GALNT16: variants seen among roughly 807,000 people sequenced by gnomAD.
GALNT16 encodes the protein UDP-GalNAc:polypeptide N-acetylgalactosaminyltransferase-like protein 1.
In GALNT16, 40 loss-of-function variants were observed where a neutral mutation model predicts 76.1. The ratio of observed to expected loss-of-function variants is 0.53; its 90% CI spans 0.41 to 0.68. The LOEUF (loss-of-function observed/expected upper bound fraction) is 0.68. Ranked by LOEUF, GALNT16 falls within the 30% of genes least tolerant of loss-of-function variation. The pLI is 0.00. For missense variants in GALNT16, 621 were observed against 731.9 expected, an observed-to-expected ratio of 0.85 and a Z score of 1.75; for synonymous variants, 276 against 285.2, an observed-to-expected ratio of 0.97 and a Z score of 0.32.
Position 69,319,726 on chromosome 14 carries a change from C to T in GALNT16, c.178-985C>T, listed in dbSNP as rs532909323. 2.0e-5 allele frequency among the ~76,000 whole-genome samples: 3 copies of T among 152,348 alleles called. No individual in the cohort carries two copies. In the South Asian group the frequency reaches 6.2e-4, roughly 32 times the overall value. Reference sequence around the variant, plus strand: ...CATGAAGGAACGGGATGGGCAATGGCATCTGCCATCCATCACTGCCCAGCA... The same window carrying T: ...CATGAAGGAACGGGATGGGCAATGGTATCTGCCATCCATCACTGCCCAGCA... On this transcript the variant is annotated intron_variant, in intron 1 of 14. Transcript: ENST00000448469.
chr14:69,352,989 C>G lies in GALNT16; in HGVS notation c.*821C>G, dbSNP rs962376041. Reference sequence around the variant, plus strand: ...TCGGGCGTAGTTTATTAAACAGACTCCACTTCTATTTGGCCATGTGTCAGG... The same window carrying G: ...TCGGGCGTAGTTTATTAAACAGACTGCACTTCTATTTGGCCATGTGTCAGG... On this transcript the variant is annotated 3_prime_UTR_variant, in exon 15 of 15. Coordinates refer to ENST00000448469, the MANE Select transcript of GALNT16 (RefSeq NM_001168368.2). Among the ~76,000 whole-genome samples the G allele has an allele frequency of 6.6e-6, 1 of 152,062 alleles. No homozygotes were observed. Among genetic ancestry groups the G allele is most frequent in the African/African-American group, 2.4e-5 (1 of 41,396 alleles).
chr14:69,339,071 A>G (rs905189555), intron 10 of GALNT16, among the ~76,000 whole-genome samples: 1 of 152,102 alleles, frequency 6.6e-6, no homozygotes, highest in Admixed American at 6.5e-5. Context: ...TGGAGCCCCG[A>G]GTGCTGGTCA....
At chr14:69,318,610 A>G (rs1400910335) in intron 1 of GALNT16, among the ~76,000 whole-genome samples, 1 of 152,142 alleles carries the variant, frequency 6.6e-6, no homozygotes, top group Non-Finnish European at 1.5e-5. Context: ...CTGGGCAATG[A>G]ATGAGTGTGG....
chr14:69,336,419 C>G (rs2140184845), intron 9 of GALNT16, among the ~76,000 whole-genome samples: 1 of 152,304 alleles, frequency 6.6e-6, no homozygotes, highest in East Asian at 1.9e-4. Flanking sequence ...GCCAGCATGG[C>G]CTCTTTGAAC....
chr14:69,334,433 G>T (rs1013164443), intron 9 of GALNT16, among the ~76,000 whole-genome samples: 1 of 152,194 alleles, frequency 6.6e-6, no homozygotes, highest in Non-Finnish European at 1.5e-5. Flanking sequence ...GCAAAACAGG[G>T]TTGCAAGTGA....
intron 1 of GALNT16, among the ~76,000 whole-genome samples, chr14:69,316,630 G>T (rs1024867893): frequency 1.3e-5 from 2 of 152,154 alleles, no homozygotes; most frequent in African/African-American, 4.8e-5. Flanking sequence ...GGGCCCTGCA[G>T]GCCCTACACA....
At chr14:69,322,977 TGTGTGCGC>T (rs1848020675) in intron 2 of GALNT16, among the ~76,000 whole-genome samples, 7 of 34,232 alleles carry the variant, frequency 2.0e-4, no homozygotes, top group African/African-American at 1.1e-3. Flanking sequence ...TGTGTGTGTG[TGTGTGCGC>T]GCGCACGCGC....
At chr14:69,322,925 G>GGGGGGT (rs797021875) in intron 2 of GALNT16, among the ~76,000 whole-genome samples, 2 of 103,780 alleles carry the variant, frequency 1.9e-5, no homozygotes, top group African/African-American at 7.8e-5. Flanking sequence ...TGGCTCACGG[G>GGGGGGT]GTGTGTGTGT....
intron 1 of GALNT16, among the ~76,000 whole-genome samples, chr14:69,297,221 C>T (rs2044780083): frequency 6.6e-6 from 1 of 152,190 alleles, no homozygotes; most frequent in African/African-American, 2.4e-5. Flanking sequence ...CTGATTTGCC[C>T]TCTTTGGCGG....
intron 7 of GALNT16, among the ~76,000 whole-genome samples, 185 bp downstream of exon 7, chr14:69,331,736 G>A (rs1222911679): frequency 6.6e-6 from 1 of 152,212 alleles, no homozygotes; most frequent in African/African-American, 2.4e-5. Flanking sequence ...GGACAAAGGA[G>A]CAGAGCTGGC....
chr14:69,302,009 C>A (rs886819191), intron 1 of GALNT16, among the ~76,000 whole-genome samples: 2 of 152,084 alleles, frequency 1.3e-5, no homozygotes, highest in African/African-American at 4.8e-5. Context: ...AAAACAGAAT[C>A]TCAAGAGGGA....
chr14:69,270,776 G>A (rs114156062), intron 1 of GALNT16, among the ~76,000 whole-genome samples: 204 of 152,316 alleles, frequency 1.3e-3, no homozygotes, highest in African/African-American at 4.8e-3. Flanking sequence ...GGAGATGCGG[G>A]GCATGTGGCA....
chr14:69,384,982 C>A, the GALNT16 span, among the ~76,000 whole-genome samples: 2 of 152,164 alleles, frequency 1.3e-5, no homozygotes, highest in Non-Finnish European at 2.9e-5. Flanking sequence ...TTCCTAATTT[C>A]AAGCATGTCA....
At chr14:69,383,599 A>G in the GALNT16 span, among the ~76,000 whole-genome samples, 1 of 152,240 alleles carries the variant, frequency 6.6e-6, no homozygotes, top group Admixed American at 6.5e-5. Context: ...TCAGAGGCCA[A>G]AAAATTTTCA....
intron 14 of GALNT16, 95 bp from the exon 15 acceptor site, chr14:69,351,936 G>A (rs1257775825): frequency 8.5e-7 from 1 of 1,172,050 alleles, no homozygotes; most frequent in African/African-American, 1.5e-5. Context: ...TTATATACAA[G>A]GGCTGTGTGC....
At chr14:69,279,081 G>A (rs187624307) in intron 1 of GALNT16, among the ~76,000 whole-genome samples, 218 of 152,066 alleles carry the variant, frequency 1.4e-3, no homozygotes, top group African/African-American at 4.9e-3. Flanking sequence ...ACAGGCGCTC[G>A]CCACCACTCC....
the GALNT16 span, among the ~76,000 whole-genome samples, chr14:69,372,300 T>C: frequency 7.2e-5 from 11 of 152,064 alleles, no homozygotes; most frequent in Non-Finnish European, 1.3e-4. Context: ...TGGGGCAACA[T>C]ACTCCGTGTT....
the GALNT16 span, among the ~76,000 whole-genome samples, chr14:69,381,892 G>A: frequency 6.6e-6 from 1 of 152,224 alleles, no homozygotes; most frequent in Non-Finnish European, 1.5e-5. Flanking sequence ...GTTTCACTAT[G>A]TTGGCCAGGT....
At chr14:69,280,108 A>C (rs1354095302) in intron 1 of GALNT16, among the ~76,000 whole-genome samples, 1 of 152,220 alleles carries the variant, frequency 6.6e-6, no homozygotes, top group Non-Finnish European at 1.5e-5. Flanking sequence ...AGACATTCAC[A>C]TTGTTGTGTG....
Sources: gnomAD v4.1 joint callset for allele counts (sites outside exome capture counted in the v4.1 genomes callset) on GRCh38, gnomAD v4.1.1 for gene constraint, MANE v1.5 for transcripts, NCBI Gene and HGNC (gene_info 2026-07-23, HGNC 2026-07-21) for gene names.